PDS5B: variants seen among roughly 807,000 people sequenced by gnomAD.
PDS5B encodes the protein PDS5 cohesin associated factor B.
In PDS5B, 51 loss-of-function variants were observed where a neutral mutation model predicts 184.1. That is an observed-to-expected ratio of 0.28 (90% confidence interval 0.22 to 0.35). PDS5B has a LOEUF of 0.35. Ranked by LOEUF, PDS5B falls within the 10% of genes least tolerant of loss-of-function variation. The probability of loss-of-function intolerance (pLI) is 1.00; values close to 1 mark genes in which losing one functional copy is unlikely to be tolerated. For synonymous variants in PDS5B, 566 were observed against 569.2 expected (o/e 0.99, Z 0.08); for missense variants, 1,180 against 1,723.3 (o/e 0.68, Z 5.58).
chr13:32,688,702 G>A (rs982984244), intron 13 of PDS5B, 133 bp downstream of exon 13: 3 of 630,436 alleles, frequency 4.8e-6, no homozygotes, highest in Non-Finnish European at 5.7e-6. Context: ...GGGTTATGTC[G>A]TAGTACTTGG....
intron 14 of PDS5B, among the ~76,000 whole-genome samples, chr13:32,696,402 G>A (rs940183108): frequency 3.3e-5 from 5 of 151,992 alleles, no homozygotes; most frequent in African/African-American, 1.2e-4. Context: ...GATGCAACCC[G>A]TAACTAACAC....
At chr13:32,614,830 G>A (rs2058194786) in intron 1 of PDS5B, among the ~76,000 whole-genome samples, 1 of 152,110 alleles carries the variant, frequency 6.6e-6, no homozygotes, top group Non-Finnish European at 1.5e-5. Flanking sequence ...CTACTCATGT[G>A]ACTGATTTTC....
At chr13:32,617,178 T>C (rs2058232189) in intron 1 of PDS5B, among the ~76,000 whole-genome samples, 1 of 152,198 alleles carries the variant, frequency 6.6e-6, no homozygotes, top group African/African-American at 2.4e-5. Flanking sequence ...AATTGCCGTA[T>C]CCCAATCAGC....
intron 6 of PDS5B, among the ~76,000 whole-genome samples, chr13:32,660,302 C>A (rs1188734756): frequency 1.3e-5 from 2 of 152,210 alleles, no homozygotes; most frequent in African/African-American, 4.8e-5. Flanking sequence ...TAGTTATAAT[C>A]CCCATTAATC....
intron 21 of PDS5B, among the ~76,000 whole-genome samples, chr13:32,738,592 T>A (rs981442718): frequency 3.9e-5 from 6 of 152,228 alleles, no homozygotes; most frequent in African/African-American, 1.4e-4. Flanking sequence ...TATAGTATCA[T>A]CATGAAGTGT....
intron 19 of PDS5B, among the ~76,000 whole-genome samples, chr13:32,716,435 A>G (rs75584559): frequency 0.39 from 57,174 of 147,622 alleles, 11,230 homozygotes; most frequent in Non-Finnish European, 0.44. Context: ...CAACCGCCCC[A>G]TCTGAGAAGT....
At position 32,635,748 on chromosome 13, in the gene PDS5B, G is replaced by A. The variant is rs116652727; in HGVS notation, c.-19-13006G>A. 9.1e-3 allele frequency among the ~76,000 whole-genome samples: 1,352 copies of A among 147,792 alleles called. 26 individuals carry two copies. Among genetic ancestry groups the A allele is most frequent in the African/African-American group, 0.032 (1,288 of 39,886 alleles). On this transcript the variant is annotated intron_variant, in intron 1 of 34. Transcript: ENST00000315596. Reference sequence around the variant, plus strand: ...TTTTTGTTTCTGTTCAGTTTGCTCCGATTTTTTAGTATTCTGATTTTTTTT... The same window carrying A: ...TTTTTGTTTCTGTTCAGTTTGCTCCAATTTTTTAGTATTCTGATTTTTTTT...
intron 1 of PDS5B, among the ~76,000 whole-genome samples, chr13:32,625,148 A>T (rs917006720): frequency 1.3e-5 from 2 of 152,024 alleles, no homozygotes; most frequent in Non-Finnish European, 2.9e-5. Flanking sequence ...ACAAGATCTC[A>T]CTCTGTAGCC....
intron 1 of PDS5B, among the ~76,000 whole-genome samples, chr13:32,606,762 T>G (rs548998812): frequency 6.6e-6 from 1 of 152,354 alleles, no homozygotes; most frequent in Non-Finnish European, 1.5e-5. Flanking sequence ...TTTGTTCGTT[T>G]CTTTTTACTG....
intron 23 of PDS5B, 68 bp downstream of exon 23, chr13:32,742,795 T>C: frequency 1.5e-6 from 2 of 1,348,066 alleles, no homozygotes; most frequent in Middle Eastern, 3.6e-4. Flanking sequence ...AACTGTTCAA[T>C]GGTGCTGTTT....
intron 1 of PDS5B, among the ~76,000 whole-genome samples, chr13:32,604,058 A>G (rs2058021745): frequency 6.6e-6 from 1 of 152,158 alleles, no homozygotes; most frequent in Admixed American, 6.5e-5. Context: ...CTAATTGAAT[A>G]CACTTTATTT....
At chr13:32,715,233 T>G (rs1056390079) in intron 19 of PDS5B, among the ~76,000 whole-genome samples, 1 of 152,140 alleles carries the variant, frequency 6.6e-6, no homozygotes. Context: ...ACAGTATAAC[T>G]AAAGAATTTC....
intron 1 of PDS5B, among the ~76,000 whole-genome samples, chr13:32,592,006 A>G (rs1300468518): frequency 6.6e-6 from 1 of 152,166 alleles, no homozygotes; most frequent in Non-Finnish European, 1.5e-5. Context: ...GTGTAAACAT[A>G]AGGTAGAAGA....
At chr13:32,698,113 A>C (rs1276781914) in intron 15 of PDS5B, among the ~76,000 whole-genome samples, 1 of 151,914 alleles carries the variant, frequency 6.6e-6, no homozygotes, top group African/African-American at 2.4e-5. Context: ...TCTGTTTTCA[A>C]GGAATGCTGG....
At chr13:32,606,691 C>T (rs2058065895) in intron 1 of PDS5B, among the ~76,000 whole-genome samples, 1 of 152,244 alleles carries the variant, frequency 6.6e-6, no homozygotes, top group Admixed American at 6.5e-5. Flanking sequence ...CTGCCTGTCA[C>T]TTTCAGGTAC....
chr13:32,733,832 G>A (rs899749984), intron 20 of PDS5B, among the ~76,000 whole-genome samples: 12 of 152,024 alleles, frequency 7.9e-5, no homozygotes, highest in Non-Finnish European at 1.8e-4. Context: ...GTTTCTAAAC[G>A]TACTTTTCCA....
At position 32,605,455 on chromosome 13, in the gene PDS5B, A is replaced by G. The variant is rs185442640; in HGVS notation, c.-20+18862A>G. On this transcript the variant is annotated intron_variant, in intron 1 of 34. Transcript: ENST00000315596. ...TGAGAGACAGTTTGTTATAATTTCTATTCTTTTACATTTGCTGAGGAGTGC... is the reference window on the plus strand; with the variant it reads ...TGAGAGACAGTTTGTTATAATTTCTGTTCTTTTACATTTGCTGAGGAGTGC... Among the ~76,000 whole-genome samples, 26 of 152,156 alleles carry G rather than the reference A, an allele frequency of 1.7e-4. No individual in the cohort carries two copies. The South Asian group carries it at 3.3e-3, about 19-fold the overall frequency.
chr13:32,623,409 G>A (rs540107810), intron 1 of PDS5B, among the ~76,000 whole-genome samples: 50 of 152,288 alleles, frequency 3.3e-4, no homozygotes, highest in African/African-American at 1.2e-3. Context: ...TAAGCTTGTG[G>A]CCTTGTGTTC....
intron 7 of PDS5B, among the ~76,000 whole-genome samples, chr13:32,668,122 C>G (rs1214386060): frequency 1.3e-5 from 2 of 152,030 alleles, no homozygotes; most frequent in Non-Finnish European, 2.9e-5. Flanking sequence ...CTGTTTGTTT[C>G]TACTGATAGA....
Sources: gnomAD v4.1 joint callset for allele counts (sites outside exome capture counted in the v4.1 genomes callset) on GRCh38, gnomAD v4.1.1 for gene constraint, MANE v1.5 for transcripts, NCBI Gene and HGNC (gene_info 2026-07-23, HGNC 2026-07-21) for gene names.